Variants in SLC35F4 observed in about 807,000 individuals in gnomAD.
SLC35F4 encodes the protein chromosome 14 open reading frame 36.
A neutral mutation model predicts 44.2 loss-of-function variants in SLC35F4; 24 were observed. The observed-to-expected ratio is 0.54, with a 90% confidence interval of 0.39 to 0.76. The LOEUF (loss-of-function observed/expected upper bound fraction) is 0.76. Ranked by LOEUF, SLC35F4 falls within the 30% of genes least tolerant of loss-of-function variation. The pLI, the probability that SLC35F4 is intolerant of heterozygous loss-of-function variation, is 0.00. For missense variants in SLC35F4, 562 were observed against 586.1 expected (o/e 0.96, Z 0.42); for synonymous variants, 238 against 223.6 (o/e 1.06, Z -0.57).
At chr14:57,671,134 C>T (rs60378779) in intron 1 of SLC35F4, among the ~76,000 whole-genome samples, 3,910 of 152,064 alleles carry the variant, frequency 0.026, 183 homozygotes, top group African/African-American at 0.088. Context: ...GGTCTCCTGA[C>T]CTCAACTCAC....
At chr14:57,973,448 T>G (rs956657567), downstream of SLC35F4, among the ~76,000 whole-genome samples, 2 of 152,098 alleles carry the variant, frequency 1.3e-5, no homozygotes, top group African/African-American at 4.8e-5. Flanking sequence ...CTTCCCAAAA[T>G]TATAATAGCA....
chr14:57,773,632 A>AT (rs2077421274), intron 1 of SLC35F4, among the ~76,000 whole-genome samples: 1 of 148,752 alleles, frequency 6.7e-6, no homozygotes, highest in Non-Finnish European at 1.5e-5. Context: ...ATAAAAATAG[A>AT]TTTTTTAAAA....
chr14:57,952,582 G>T, intron 1 of SLC35F4, among the ~76,000 whole-genome samples: 1 of 151,920 alleles, frequency 6.6e-6, no homozygotes, highest in East Asian at 2.0e-4. Flanking sequence ...CCAGTTTAAA[G>T]AAGAACATAA....
intron 1 of SLC35F4, among the ~76,000 whole-genome samples, chr14:57,817,648 C>A (rs1442398485): frequency 6.6e-6 from 1 of 151,880 alleles, no homozygotes; most frequent in Non-Finnish European, 1.5e-5. Flanking sequence ...GTTTTACAAG[C>A]AGAAAATGCA....
intron 1 of SLC35F4, among the ~76,000 whole-genome samples, chr14:57,912,309 T>C (rs1889230211): frequency 6.6e-6 from 1 of 151,950 alleles, no homozygotes; most frequent in African/African-American, 2.4e-5. Context: ...GGATTTAATT[T>C]GCACACTTTT....
intron 1 of SLC35F4, among the ~76,000 whole-genome samples, chr14:57,933,928 G>C (rs1889748532): frequency 1.3e-5 from 2 of 152,082 alleles, no homozygotes; most frequent in African/African-American, 2.4e-5. Context: ...AATTCGAGCA[G>C]GAAAGCTTTG....
At chr14:57,833,176 T>C in intron 1 of SLC35F4, among the ~76,000 whole-genome samples, 1 of 152,198 alleles carries the variant, frequency 6.6e-6, no homozygotes, top group East Asian at 1.9e-4. Flanking sequence ...ATCCTTGTTA[T>C]CATCTAATCG....
At chr14:57,598,095 C>A (rs2070601395) in intron 1 of SLC35F4, among the ~76,000 whole-genome samples, 1 of 152,152 alleles carries the variant, frequency 6.6e-6, no homozygotes, top group Non-Finnish European at 1.5e-5. Context: ...GTCCCTAAAC[C>A]TCAGGAACAC....
intron 1 of SLC35F4, among the ~76,000 whole-genome samples, chr14:57,898,752 AAATATCC>A (rs1394601781): frequency 6.6e-6 from 1 of 152,228 alleles, no homozygotes; most frequent in East Asian, 1.9e-4. Context: ...ATATGGAAAT[AAATATCC>A]AGTTTTTTAA....
At chr14:57,642,461 CT>C (rs939690092) in intron 1 of SLC35F4, among the ~76,000 whole-genome samples, 6 of 151,016 alleles carry the variant, frequency 4.0e-5, no homozygotes, top group East Asian at 3.9e-4. Context: ...CAGATTTTTT[CT>C]TTTTTTTTCC....
intron 1 of SLC35F4, among the ~76,000 whole-genome samples, chr14:57,904,034 C>T (rs1260207657): frequency 1.3e-5 from 2 of 152,188 alleles, no homozygotes; most frequent in Non-Finnish European, 2.9e-5. Flanking sequence ...TTGTTATTAG[C>T]TTGGGAAAGT....
In SLC35F4 at chr14:57,601,770, A is replaced by G. The variant is rs570069597; in HGVS notation, c.104-7646T>C. On this transcript the variant is annotated intron_variant, in intron 1 of 7. Coordinates refer to ENST00000556826, the MANE Select transcript of SLC35F4 (RefSeq NM_001306087.2). ...CTGCTACCTATTTTTACAATGTAAA[A>G]ATAAAAATGCCTACTATTTAATTTA... Among the ~76,000 whole-genome samples, 14 of 152,298 alleles carry G rather than the reference A, an allele frequency of 9.2e-5. No homozygotes were observed. The South Asian group carries it at 2.9e-3, about 32-fold the overall frequency.
chr14:57,923,269 A>G (rs561613880), intron 1 of SLC35F4, among the ~76,000 whole-genome samples: 4 of 152,344 alleles, frequency 2.6e-5, no homozygotes, highest in Non-Finnish European at 5.9e-5. Flanking sequence ...ACCAATATTC[A>G]GTCATTTTTG....
intron 1 of SLC35F4, among the ~76,000 whole-genome samples, chr14:57,876,266 A>C (rs1888398023): frequency 6.6e-6 from 1 of 152,158 alleles, no homozygotes; most frequent in East Asian, 1.9e-4. Context: ...AAGTTACGGC[A>C]TTCTAACTTA....
intron 1 of SLC35F4, among the ~76,000 whole-genome samples, chr14:57,709,743 T>C (rs2075771302): frequency 6.6e-6 from 1 of 152,146 alleles, no homozygotes; most frequent in Admixed American, 6.5e-5. Context: ...AAGGGTAAGA[T>C]CTCTTAGATA....
intron 1 of SLC35F4, among the ~76,000 whole-genome samples, chr14:57,726,797 T>C (rs2076215098): frequency 6.6e-6 from 1 of 152,104 alleles, no homozygotes; most frequent in Non-Finnish European, 1.5e-5. Context: ...CTTGGGTGTG[T>C]CTGTGATGGT....
At chr14:57,705,947 G>A (rs1406885486) in intron 1 of SLC35F4, among the ~76,000 whole-genome samples, 6 of 152,030 alleles carry the variant, frequency 3.9e-5, no homozygotes, top group African/African-American at 9.7e-5. Context: ...ATGTGTTCAG[G>A]GTACATGCCT....
chr14:57,792,353 A>T (rs1213689680), intron 1 of SLC35F4, among the ~76,000 whole-genome samples: 2 of 152,174 alleles, frequency 1.3e-5, no homozygotes, highest in Non-Finnish European at 2.9e-5. Context: ...CAGTGTGAAG[A>T]TTCCTGAAAT....
intron 1 of SLC35F4, among the ~76,000 whole-genome samples, chr14:57,711,794 A>G (rs572414792): frequency 6.6e-6 from 1 of 152,374 alleles, no homozygotes; most frequent in South Asian, 2.1e-4. Context: ...TGCATGCAGC[A>G]CTACTGTAAG....
Sources: allele counts gnomAD v4.1 joint callset (sites outside exome capture counted in the v4.1 genomes callset), GRCh38; gene constraint gnomAD v4.1.1; transcripts MANE v1.5; gene names NCBI Gene and HGNC (gene_info 2026-07-23, HGNC 2026-07-21).